The following SIL1 variants were observed in gnomAD, a reference collection of about 807,000 sequenced individuals.
SIL1 encodes the protein nucleotide exchange factor SIL1.
Under a neutral mutation model 49.1 loss-of-function variants are expected in SIL1, and 40 were observed. That is an observed-to-expected ratio of 0.81 (90% CI 0.63 to 1.06). SIL1 has a LOEUF of 1.06. Among genes scored for constraint, SIL1 ranks in the 50% least tolerant of loss-of-function variants. The pLI is 0.00. For missense variants in SIL1, 500 were observed against 572.6 expected, an observed-to-expected ratio of 0.87 and a Z score of 1.29; for synonymous variants, 253 against 250.8, an observed-to-expected ratio of 1.01 and a Z score of -0.08.
rs113783201 is a variant in SIL1, at chr5:139,147,877, G to A, written c.-10-20024C>T. On this transcript the variant is annotated intron_variant, in intron 1 of 9. Coordinates refer to ENST00000394817, the MANE Select transcript of SIL1 (RefSeq NM_022464.5). ...ATCCTTGGACACTGGCACAGAGCAC[G>A]CTGCCCTGGGGAGCCGTTCCCAGGC... Among the ~76,000 whole-genome samples, 1,049 of 152,242 alleles carry A rather than the reference G, an allele frequency of 6.9e-3. 9 individuals carry two copies. The highest frequency in any genetic ancestry group is 0.024 in the African/African-American group (1,006 of 41,560).
intron 7 of SIL1, among the ~76,000 whole-genome samples, chr5:138,992,120 T>C (rs3943801): frequency 1.3e-5 from 2 of 152,194 alleles, no homozygotes; most frequent in Non-Finnish European, 2.9e-5. Context: ...TGGCAATCAC[T>C]ACACGACTAT....
chr5:139,075,558 G>A (rs571380851), intron 3 of SIL1, among the ~76,000 whole-genome samples: 7 of 152,104 alleles, frequency 4.6e-5, no homozygotes, highest in African/African-American at 9.7e-5. Flanking sequence ...AGTCGCTGCC[G>A]CCTCCCTGAC....
chr5:139,102,718 T>G (rs867259276), intron 3 of SIL1, among the ~76,000 whole-genome samples: 1 of 151,276 alleles, frequency 6.6e-6, no homozygotes, highest in African/African-American at 2.4e-5. Flanking sequence ...CTTTTTTTTT[T>G]TTTTTGTTTT....
intron 1 of SIL1, among the ~76,000 whole-genome samples, chr5:139,162,651 T>A (rs542294486): frequency 2.9e-4 from 44 of 152,334 alleles, no homozygotes; most frequent in African/African-American, 9.9e-4. Flanking sequence ...AACACCTGTG[T>A]ACCCAGGTTC....
At chr5:138,996,760 C>T (rs373184633) in intron 7 of SIL1, among the ~76,000 whole-genome samples, 7 of 152,024 alleles carry the variant, frequency 4.6e-5, no homozygotes, top group African/African-American at 7.2e-5. Context: ...CCTTGTGATC[C>T]GCCTGCCTCG....
At chr5:139,116,905 A>T (rs1349279605) in intron 3 of SIL1, among the ~76,000 whole-genome samples, 1 of 152,226 alleles carries the variant, frequency 6.6e-6, no homozygotes, top group Non-Finnish European at 1.5e-5. Context: ...CGAAGTAGGT[A>T]TTATATTTTC....
chr5:139,113,097 AGCATGCTCGTTAAGAG>A (rs1292935187), intron 3 of SIL1, among the ~76,000 whole-genome samples: 94 of 152,132 alleles, frequency 6.2e-4, no homozygotes, highest in Admixed American at 1.1e-3. Context: ...GCTTGAAGGC[AGCATGCTCGTTAAGAG>A]TCATCACCAC....
At chr5:139,147,805 C>T (rs1751221967) in intron 1 of SIL1, among the ~76,000 whole-genome samples, 1 of 152,240 alleles carries the variant, frequency 6.6e-6, no homozygotes, top group Non-Finnish European at 1.5e-5. Context: ...CAAAATCACA[C>T]TTTAAATATC....
intron 7 of SIL1, among the ~76,000 whole-genome samples, chr5:138,968,986 T>C (rs574237477): frequency 6.6e-6 from 1 of 152,154 alleles, no homozygotes; most frequent in South Asian, 2.1e-4. Flanking sequence ...TCACTGCATA[T>C]CCCCTGCCTG....
At chr5:139,182,587 A>G (rs1170282552) in intron 1 of SIL1, among the ~76,000 whole-genome samples, 1 of 152,248 alleles carries the variant, frequency 6.6e-6, no homozygotes, top group Non-Finnish European at 1.5e-5. Context: ...GAGAATAAAA[A>G]TGAGTCTATC....
intron 1 of SIL1, among the ~76,000 whole-genome samples, chr5:139,169,458 G>A (rs1751690203): frequency 6.7e-6 from 1 of 149,514 alleles, no homozygotes; most frequent in South Asian, 2.1e-4. Context: ...GTGTGTATGT[G>A]TGTGTGTATA....
chr5:139,062,526 T>G, intron 3 of SIL1, among the ~76,000 whole-genome samples: 1 of 152,014 alleles, frequency 6.6e-6, no homozygotes, highest in Non-Finnish European at 1.5e-5. Context: ...GCTCCCACCA[T>G]ACCCTTGCAC....
In SIL1 at chr5:139,058,964, A is replaced by ATGTGTGTGTGTGTGTGTG. The variant is rs113502024; in HGVS notation, c.245-7919_245-7918insCACACACACACACACACA. On this transcript the variant is annotated intron_variant, in intron 3 of 9. Transcript: ENST00000394817. ...GCCCTCTCAGTAGGCGGAGCTAGAAATGTGTATGTGTGTGTGTGTGTGTAA... is the reference window on the plus strand; with the variant it reads ...GCCCTCTCAGTAGGCGGAGCTAGAAATGTGTGTGTGTGTGTGTGTGTGTATGTGTGTGTGTGTGTGTAA... 3.4e-3 allele frequency among the ~76,000 whole-genome samples: 295 copies of ATGTGTGTGTGTGTGTGTG among 86,814 alleles called. 1 individual carries two copies. Among genetic ancestry groups the ATGTGTGTGTGTGTGTGTG allele is most frequent in the African/African-American group, 0.016 (281 of 17,686 alleles). 57.0% of individuals were successfully genotyped at this position (86,814 alleles called of 152,430 possible).
chr5:139,150,453 A>T (rs1397547766), intron 1 of SIL1, among the ~76,000 whole-genome samples: 1 of 151,988 alleles, frequency 6.6e-6, no homozygotes, highest in Non-Finnish European at 1.5e-5. Context: ...TTATCTACTA[A>T]ATATGTCCCT....
At chr5:138,980,853 A>G (rs1767502779) in intron 7 of SIL1, among the ~76,000 whole-genome samples, 1 of 151,814 alleles carries the variant, frequency 6.6e-6, no homozygotes, top group Admixed American at 6.6e-5. Context: ...CAACAGGCAA[A>G]CTCTCCTCCC....
intron 3 of SIL1, among the ~76,000 whole-genome samples, chr5:139,076,755 T>C (rs1047018537): frequency 6.6e-6 from 1 of 152,180 alleles, no homozygotes; most frequent in African/African-American, 2.4e-5. Flanking sequence ...TCCCCTTCTA[T>C]TGGTATGGCT....
intron 2 of SIL1, among the ~76,000 whole-genome samples, chr5:139,127,201 A>AGAT (rs1249842067): frequency 6.6e-6 from 1 of 152,344 alleles, no homozygotes; most frequent in Admixed American, 6.5e-5. Context: ...ACAGAGATGG[A>AGAT]GATGAACTGA....
intron 1 of SIL1, among the ~76,000 whole-genome samples, chr5:139,190,763 C>G (rs556330676): frequency 2.6e-4 from 40 of 152,280 alleles, no homozygotes; most frequent in South Asian, 6.2e-4. Flanking sequence ...TCCACAGTAC[C>G]ACAAACAGCC....
intron 3 of SIL1, among the ~76,000 whole-genome samples, chr5:139,098,126 GA>G (rs1398898782): frequency 6.6e-6 from 1 of 152,132 alleles, no homozygotes. Context: ...AGAAGAACCA[GA>G]ATAGCCAAAG....
Sources: allele counts gnomAD v4.1 joint callset (sites outside exome capture counted in the v4.1 genomes callset), GRCh38; gene constraint gnomAD v4.1.1; transcripts MANE v1.5; gene names NCBI Gene and HGNC (gene_info 2026-07-23, HGNC 2026-07-21).